The following CAPN8 variants were observed in gnomAD, a reference collection of about 807,000 sequenced individuals.
CAPN8 encodes the protein calpain 8.
In CAPN8, 87 loss-of-function variants were observed where a neutral mutation model predicts 80.9. That is an observed-to-expected ratio of 1.07 (90% CI 0.90 to 1.28). The LOEUF (loss-of-function observed/expected upper bound fraction) is 1.28. Among genes scored for constraint, CAPN8 ranks in the 50% most tolerant of loss-of-function variants. The pLI, the probability that CAPN8 is intolerant of heterozygous loss-of-function variation, is 0.00. For missense variants in CAPN8, 757 were observed against 702.0 expected (o/e 1.08, Z -0.89); for synonymous variants, 299 against 273.8 (o/e 1.09, Z -0.91).
intron 1 of CAPN8, among the ~76,000 whole-genome samples, chr1:223,659,858 G>A (rs944224018): frequency 6.6e-6 from 1 of 152,142 alleles, no homozygotes; most frequent in African/African-American, 2.4e-5. Flanking sequence ...TGGCCAGAGG[G>A]GACCAGAAAC....
chr1:223,650,373 C>T (rs1395569398), intron 2 of CAPN8, among the ~76,000 whole-genome samples: 1 of 152,148 alleles, frequency 6.6e-6, no homozygotes, highest in Admixed American at 6.5e-5. Flanking sequence ...AAGAGGCTCC[C>T]AGCAGCTAGA....
chr1:223,645,015 G>A (rs1290597033), intron 2 of CAPN8, among the ~76,000 whole-genome samples: 1 of 152,202 alleles, frequency 6.6e-6, no homozygotes, highest in Non-Finnish European at 1.5e-5. Context: ...GCAAGCTGAG[G>A]AGCAAGGAAG....
chr1:223,612,545 T>A (rs1210739057), intron 10 of CAPN8, among the ~76,000 whole-genome samples: 2 of 152,118 alleles, frequency 1.3e-5, no homozygotes, highest in Non-Finnish European at 2.9e-5. Flanking sequence ...TCTCAAATTA[T>A]TCAGGAGTAA....
At chr1:223,633,651 G>A (rs1158766404) in intron 2 of CAPN8, among the ~76,000 whole-genome samples, 1 of 152,150 alleles carries the variant, frequency 6.6e-6, no homozygotes, top group Non-Finnish European at 1.5e-5. Context: ...GGCAGAGCAA[G>A]GCGCCGCCTC....
At chr1:223,640,072 T>A (rs1658006778) in intron 2 of CAPN8, among the ~76,000 whole-genome samples, 1 of 152,128 alleles carries the variant, frequency 6.6e-6, no homozygotes, top group Non-Finnish European at 1.5e-5. Context: ...CAGCCCCTTT[T>A]CATCCTCACT....
chr1:223,627,581 C>T (rs896663118), intron 4 of CAPN8, among the ~76,000 whole-genome samples: 1 of 152,168 alleles, frequency 6.6e-6, no homozygotes, highest in African/African-American at 2.4e-5. Context: ...TTAAAAGAAC[C>T]CCAAAGAAGG....
Position 223,628,681 on chromosome 1 carries a change from G to C in CAPN8, c.407C>G (p.Ala136Gly). The C allele has an allele frequency of 6.4e-7, 1 of 1,551,234 alleles. No individual in the cohort carries two copies. Among genetic ancestry groups the C allele is most frequent in the Middle Eastern group, 1.7e-4 (1 of 5,990 alleles). Residue 136 changes from alanine to glycine, a missense_variant, in exon 3 of 21, where the codon GCG (alanine) becomes GGG (glycine). Ala to Gly is a moderately conservative substitution (Grantham distance 60). Coordinates refer to ENST00000366872, the MANE Select transcript of CAPN8 (RefSeq NM_001143962.2). ...PRDQDFQENYAGIFHFQFWQY... is the reference protein window; with the variant it reads ...PRDQDFQENYGGIFHFQFWQY... ...CAGTACCTGAAAGTGAAAGATTCCC[G>C]CATAGTTCTCCTGGAAGTCCTGGTC...
chr1:223,633,993 G>A (rs538664547), intron 2 of CAPN8, among the ~76,000 whole-genome samples: 1 of 152,306 alleles, frequency 6.6e-6, no homozygotes, highest in Non-Finnish European at 1.5e-5. Context: ...GGAAACAAGA[G>A]TAAAGCCTCA....
chr1:223,621,389 A>G (rs1311353487), intron 7 of CAPN8, among the ~76,000 whole-genome samples: 1 of 152,012 alleles, frequency 6.6e-6, no homozygotes, highest in Non-Finnish European at 1.5e-5. Flanking sequence ...GGCCTCCAGG[A>G]CTTGACAGTC....
intron 2 of CAPN8, among the ~76,000 whole-genome samples, chr1:223,630,015 G>A (rs1236299729): frequency 6.6e-6 from 1 of 152,104 alleles, no homozygotes; most frequent in African/African-American, 2.4e-5. Context: ...TTAACACTGT[G>A]GCCAGAGCTA....
At chr1:223,610,791 G>A (rs1378308246) in intron 11 of CAPN8, among the ~76,000 whole-genome samples, 1 of 152,158 alleles carries the variant, frequency 6.6e-6, no homozygotes, top group Non-Finnish European at 1.5e-5. Context: ...ACATAGCTCA[G>A]CTCAAAGTTA....
chr1:223,641,942 G>A (rs184598235), intron 2 of CAPN8, among the ~76,000 whole-genome samples: 1 of 152,310 alleles, frequency 6.6e-6, no homozygotes, highest in East Asian at 1.9e-4. Flanking sequence ...ACTCCTGTAA[G>A]CATCCACAAC....
intron 2 of CAPN8, among the ~76,000 whole-genome samples, chr1:223,639,424 C>T (rs1339003681): frequency 1.3e-5 from 2 of 152,184 alleles, no homozygotes. Flanking sequence ...CCTTCTGTTA[C>T]AATCATTTTA....
At position 223,541,857 on chromosome 1, in the gene CAPN8, C is replaced by T. The variant is rs1161652330; in HGVS notation, c.2091G>A (p.Trp697Ter). The T allele has an allele frequency of 3.2e-6, 5 of 1,545,406 alleles. No individual in the cohort carries two copies. Among genetic ancestry groups the T allele is most frequent in the Middle Eastern group, 1.7e-4 (1 of 5,944 alleles). The change falls in exon 21 of 21, where the codon TGG becomes TGA. Residue 697 changes from tryptophan to a stop codon, truncating the protein, a stop_gained and splice_region_variant. Transcript: ENST00000366872. LOFTEE classifies it high-confidence loss of function. Reference protein sequence around the residue: ...DGMVQLSLAEWLCCVLV With the variant: ...DGMVQLSLAE The stretch of plus-strand genomic sequence containing the variant: ...CGGGTCAGACCAACACGCAGCACAG[C>T]CACTGCAAAGGAAAGGGACAAGATT...
At chr1:223,641,366 T>TTTAA (rs1553338764) in intron 2 of CAPN8, among the ~76,000 whole-genome samples, 1 of 146,064 alleles carries the variant, frequency 6.8e-6, no homozygotes, top group African/African-American at 2.5e-5. Context: ...AGCCTTTTTT[T>TTTAA]AAAAAAAAAA....
chr1:223,660,693 T>C (rs1292539250), intron 1 of CAPN8, among the ~76,000 whole-genome samples: 1 of 152,222 alleles, frequency 6.6e-6, no homozygotes, highest in East Asian at 1.9e-4. Context: ...CATGTGTACA[T>C]ACATGTTCAA....
intron 12 of CAPN8, 80 bp downstream of exon 12, chr1:223,609,073 G>A: frequency 2.5e-6 from 1 of 397,332 alleles, no homozygotes; most frequent in Non-Finnish European, 4.4e-6. Flanking sequence ...AGCTGGGGTG[G>A]GTCCTGCACC....
chr1:223,545,883 G>A (rs1342560490), intron 16 of CAPN8, among the ~76,000 whole-genome samples: 3 of 145,500 alleles, frequency 2.1e-5, no homozygotes, highest in African/African-American at 7.8e-5. Context: ...GAGTACAGTG[G>A]TGTGATCTCA....
At position 223,628,658 on chromosome 1, in the gene CAPN8, G is replaced by A. The variant is rs905186378; in HGVS notation, c.426+4C>T. Reference sequence around the variant, plus strand: ...CAACAAAGGGCCAGAGCAGAGCACAGTACCTGAAAGTGAAAGATTCCCGCA... The same window carrying A: ...CAACAAAGGGCCAGAGCAGAGCACAATACCTGAAAGTGAAAGATTCCCGCA... On this transcript the variant is annotated splice_donor_region_variant and intron_variant, in intron 3 of 20. Coordinates refer to ENST00000366872, the MANE Select transcript of CAPN8 (RefSeq NM_001143962.2). 14 of 1,546,806 alleles carry A rather than the reference G, an allele frequency of 9.1e-6. No individual in the cohort carries two copies. In the South Asian group the frequency reaches 1.4e-4, roughly 16 times the overall value.
Sources: allele counts gnomAD v4.1 joint callset (sites outside exome capture counted in the v4.1 genomes callset), GRCh38; gene constraint gnomAD v4.1.1; transcripts MANE v1.5; gene names NCBI Gene and HGNC (gene_info 2026-07-23, HGNC 2026-07-21).